CDH13: variants seen among roughly 807,000 people sequenced by gnomAD.
CDH13 encodes cadherin-13.
CDH13 carries 24 observed loss-of-function variants against 63.8 expected under a neutral mutation model. The observed-to-expected ratio is 0.38, with a 90% confidence interval of 0.27 to 0.53. The LOEUF is 0.53. Ranked by LOEUF, CDH13 falls within the 20% of genes least tolerant of loss-of-function variation. CDH13 has a pLI of 0.85. For missense variants in CDH13, 1,049 were observed against 903.1 expected (o/e 1.16, Z -2.07); for synonymous variants, 503 against 355.3 (o/e 1.42, Z -4.67).
chr16:83,112,487 T>C (rs1199357721), intron 3 of CDH13, among the ~76,000 whole-genome samples: 1 of 152,224 alleles, frequency 6.6e-6, no homozygotes. Flanking sequence ...TTGGAGGGCT[T>C]AATGTGTTTT....
At chr16:83,293,287 CTTA>C (rs2089507599) in intron 5 of CDH13, among the ~76,000 whole-genome samples, 1 of 152,106 alleles carries the variant, frequency 6.6e-6, no homozygotes, top group Non-Finnish European at 1.5e-5. Context: ...TTTATTGAAG[CTTA>C]TTACGTTAGA....
intron 8 of CDH13, among the ~76,000 whole-genome samples, chr16:83,627,375 A>G (rs1379801453): frequency 6.6e-6 from 1 of 152,182 alleles, no homozygotes; most frequent in South Asian, 2.1e-4. Context: ...AGAGATGAAC[A>G]TACATACAGC....
intron 5 of CDH13, among the ~76,000 whole-genome samples, chr16:83,290,430 C>T (rs370676603): frequency 3.3e-5 from 5 of 152,086 alleles, no homozygotes; most frequent in Admixed American, 6.5e-5. Flanking sequence ...AGAAGTCTCA[C>T]GAGATCTGAT....
Position 83,408,934 on chromosome 16 carries a change from G to C in CDH13, c.781+63928G>C, listed in dbSNP as rs181717544. Among the ~76,000 whole-genome samples the C allele has an allele frequency of 6.6e-5, 10 of 152,312 alleles. No homozygotes were observed. In the East Asian group the frequency reaches 1.9e-3, roughly 29 times the overall value. ...CTGGGAGCACAAGGCTTCCTTCCTT[G>C]GTCCAGGTGTTTCTGCATGGGAACA... On this transcript the variant is annotated intron_variant, in intron 6 of 13. Transcript: ENST00000567109.
chr16:82,691,891 A>T (rs967130550), intron 1 of CDH13, among the ~76,000 whole-genome samples: 2 of 152,170 alleles, frequency 1.3e-5, no homozygotes, highest in Non-Finnish European at 2.9e-5. Flanking sequence ...GGCTTTACCG[A>T]GACCTCATGA....
chr16:83,260,280 A>G (rs571309376), intron 5 of CDH13, among the ~76,000 whole-genome samples: 1 of 152,264 alleles, frequency 6.6e-6, no homozygotes, highest in South Asian at 2.1e-4. Context: ...GAATTGTGAA[A>G]CCTGGTTTAA....
chr16:83,492,153 A>G (rs573188977), intron 7 of CDH13, among the ~76,000 whole-genome samples: 2 of 152,284 alleles, frequency 1.3e-5, no homozygotes, highest in African/African-American at 4.8e-5. Flanking sequence ...GAAACATACT[A>G]AAGACATCTG....
chr16:82,682,624 C>T (rs190120370), intron 1 of CDH13, among the ~76,000 whole-genome samples: 1 of 152,174 alleles, frequency 6.6e-6, no homozygotes. Flanking sequence ...ATAAAACATG[C>T]TTCTGGCAAT....
At chr16:83,464,356 T>C (rs1469927598) in intron 6 of CDH13, among the ~76,000 whole-genome samples, 3 of 151,398 alleles carry the variant, frequency 2.0e-5, no homozygotes, top group Non-Finnish European at 2.9e-5. Context: ...TTACTAAAAA[T>C]ACAAAATGAG....
chr16:82,641,018 T>G (rs1375830830), intron 1 of CDH13, among the ~76,000 whole-genome samples: 1 of 151,816 alleles, frequency 6.6e-6, no homozygotes, highest in Non-Finnish European at 1.5e-5. Context: ...AGTGAGCGAG[T>G]GGGGAGAGTG....
intron 2 of CDH13, among the ~76,000 whole-genome samples, chr16:83,017,132 G>A (rs894507582): frequency 6.6e-6 from 1 of 152,152 alleles, no homozygotes; most frequent in African/African-American, 2.4e-5. Context: ...ACTACATTTA[G>A]GTGTTCTTGA....
intron 7 of CDH13, among the ~76,000 whole-genome samples, chr16:83,521,507 G>T (rs973059897): frequency 6.6e-6 from 1 of 152,184 alleles, no homozygotes; most frequent in African/African-American, 2.4e-5. Flanking sequence ...ATAAAATGCA[G>T]TTTAAAGACA....
rs1335182783 is a variant in CDH13 at position 83,292,831 on chromosome 16, C to T, written c.637-52031C>T. On this transcript the variant is annotated intron_variant, in intron 5 of 13. Coordinates refer to ENST00000567109, the MANE Select transcript of CDH13 (RefSeq NM_001257.5). ...TAGTGCTCTGTTTCTTTTCTCTTTA[C>T]ACTTGCATGGCATAATATATTAATA... Among the ~76,000 whole-genome samples the T allele has an allele frequency of 5.3e-5, 8 of 152,142 alleles. No homozygotes were observed. In the East Asian group the frequency reaches 1.2e-3, roughly 22 times the overall value.
At chr16:82,870,269 T>C (rs187060757) in intron 2 of CDH13, among the ~76,000 whole-genome samples, 18 of 152,250 alleles carry the variant, frequency 1.2e-4, no homozygotes, top group African/African-American at 3.4e-4. Flanking sequence ...ATAAACATAT[T>C]CTCTCCCTGC....
chr16:83,705,311 A>AT (rs1041377532), intron 10 of CDH13, among the ~76,000 whole-genome samples: 1 of 152,134 alleles, frequency 6.6e-6, no homozygotes, highest in Non-Finnish European at 1.5e-5. Flanking sequence ...CTTTTTGAGA[A>AT]TTTTGACTTT....
chr16:83,400,902 T>G (rs2091958348), intron 6 of CDH13, among the ~76,000 whole-genome samples: 2 of 152,086 alleles, frequency 1.3e-5, no homozygotes, highest in African/African-American at 4.8e-5. Context: ...CTCCTACTAA[T>G]GATAGAAATT....
intron 2 of CDH13, among the ~76,000 whole-genome samples, chr16:82,971,696 C>T (rs972732894): frequency 1.2e-4 from 19 of 152,104 alleles, no homozygotes; most frequent in Non-Finnish European, 2.9e-5. Context: ...TCTTTCTAGT[C>T]GTAGTATGGT....
At chr16:82,674,158 G>T (rs1913621998) in intron 1 of CDH13, among the ~76,000 whole-genome samples, 1 of 152,180 alleles carries the variant, frequency 6.6e-6, no homozygotes, top group Non-Finnish European at 1.5e-5. Context: ...GGAATTAGCA[G>T]AAAATCACAC....
chr16:82,768,918 C>A (rs774384542), intron 1 of CDH13, among the ~76,000 whole-genome samples: 8 of 152,156 alleles, frequency 5.3e-5, no homozygotes, highest in Non-Finnish European at 1.2e-4. Flanking sequence ...AGTTAGTTAG[C>A]AGGTCTCTTG....
Sources: allele counts gnomAD v4.1 joint callset (sites outside exome capture counted in the v4.1 genomes callset), GRCh38; gene constraint gnomAD v4.1.1; transcripts MANE v1.5; gene names NCBI Gene and HGNC (gene_info 2026-07-23, HGNC 2026-07-21).